The following CNTLN variants were observed in gnomAD, a reference collection of about 807,000 sequenced individuals.
CNTLN encodes the protein centlein, centrosomal protein.
In CNTLN, 212 loss-of-function variants were observed where a neutral mutation model predicts 180.0. That is an observed-to-expected ratio of 1.18 (90% CI 1.05 to 1.32). The LOEUF (loss-of-function observed/expected upper bound fraction) is 1.32, where lower values mean the gene tolerates loss of function less well. Ranked by LOEUF, CNTLN falls within the 40% of genes most tolerant of loss-of-function variation. The pLI, the probability that CNTLN is intolerant of heterozygous loss-of-function variation, is 0.00. For missense variants in CNTLN, 2,095 were observed against 1,610.9 expected (o/e 1.30, Z -5.14); for synonymous variants, 722 against 563.1 (o/e 1.28, Z -3.99).
chr9:17,145,799 T>C (rs1818416186), intron 2 of CNTLN, among the ~76,000 whole-genome samples: 1 of 152,242 alleles, frequency 6.6e-6, no homozygotes, highest in South Asian at 2.1e-4. Context: ...TTCTTTTTTG[T>C]CGGATTATTT....
intron 2 of CNTLN, among the ~76,000 whole-genome samples, chr9:17,214,958 T>C (rs189864293): frequency 3.3e-5 from 5 of 152,320 alleles, no homozygotes; most frequent in African/African-American, 1.2e-4. Context: ...ATTTGTCTAA[T>C]CTTTTTTGAA....
At chr9:17,168,864 G>A (rs948621726) in intron 2 of CNTLN, among the ~76,000 whole-genome samples, 2 of 152,120 alleles carry the variant, frequency 1.3e-5, no homozygotes, top group Admixed American at 1.3e-4. Flanking sequence ...GAAGTTTTGT[G>A]TTGGATCTAG....
At chr9:17,174,975 A>T (rs1820634627) in intron 2 of CNTLN, among the ~76,000 whole-genome samples, 1 of 152,094 alleles carries the variant, frequency 6.6e-6, no homozygotes, top group Admixed American at 6.5e-5. Context: ...TCTTTTGCCC[A>T]TTTCCTATTT....
intron 13 of CNTLN, among the ~76,000 whole-genome samples, chr9:17,385,419 C>A (rs1347738484): frequency 2.0e-5 from 3 of 152,266 alleles, no homozygotes; most frequent in Non-Finnish European, 4.4e-5. Context: ...TGCAGCCAGT[C>A]CTCATCTTGA....
At chr9:17,488,389 A>G (rs1205707652) in intron 25 of CNTLN, among the ~76,000 whole-genome samples, 2 of 152,180 alleles carry the variant, frequency 1.3e-5, no homozygotes, top group Non-Finnish European at 2.9e-5. Context: ...TGGCTGACAC[A>G]TCAAAGAATT....
intron 12 of CNTLN, among the ~76,000 whole-genome samples, chr9:17,346,835 G>T (rs1821939124): frequency 6.6e-6 from 1 of 152,086 alleles, no homozygotes; most frequent in African/African-American, 2.4e-5. Context: ...TCCTTTGACA[G>T]TTCTAATCAC....
Position 17,247,103 on chromosome 9 carries a change from G to A in CNTLN, c.849+10515G>A, listed in dbSNP as rs572948790. Among the ~76,000 whole-genome samples the A allele has an allele frequency of 3.9e-5, 6 of 152,178 alleles. No homozygotes were observed. In the East Asian group the frequency reaches 1.2e-3, roughly 29 times the overall value. Reference sequence around the variant, plus strand: ...CTGCACTGCCTTTGCTTAGATGATGGGTGATACAAGTATTCCCTGTGCTGC... The same window carrying A: ...CTGCACTGCCTTTGCTTAGATGATGAGTGATACAAGTATTCCCTGTGCTGC... On this transcript the variant is annotated intron_variant, in intron 5 of 25. Coordinates refer to ENST00000380647, the MANE Select transcript of CNTLN (RefSeq NM_017738.4).
chr9:17,321,089 C>G (rs1819876591), intron 8 of CNTLN, among the ~76,000 whole-genome samples: 1 of 152,022 alleles, frequency 6.6e-6, no homozygotes, highest in Non-Finnish European at 1.5e-5. Flanking sequence ...TTCACTTTCA[C>G]TTTTATGTAG....
chr9:17,363,552 T>A (rs1823575878), intron 12 of CNTLN, among the ~76,000 whole-genome samples: 2 of 151,610 alleles, frequency 1.3e-5, no homozygotes, highest in Admixed American at 6.5e-5. Context: ...TATATTTATT[T>A]TTTATTCTTT....
At chr9:17,500,138 T>G (rs2593349) in intron 25 of CNTLN, among the ~76,000 whole-genome samples, 141,330 of 152,204 alleles carry the variant, frequency 0.93, 66,163 homozygotes, top group South Asian at 0.99. Flanking sequence ...AAATGTGTTA[T>G]CCTCTATAAA....
At chr9:17,219,828 T>C (rs1824012787) in intron 2 of CNTLN, among the ~76,000 whole-genome samples, 1 of 152,122 alleles carries the variant, frequency 6.6e-6, no homozygotes, top group Non-Finnish European at 1.5e-5. Context: ...CAATGTGGTT[T>C]CTGGTGAGGG....
At chr9:17,325,374 ATGTATGTGTGTGTGTGTG>A (rs1220055977) in intron 8 of CNTLN, among the ~76,000 whole-genome samples, 24 of 110,614 alleles carry the variant, frequency 2.2e-4, no homozygotes, top group South Asian at 1.1e-3. Flanking sequence ...GTGCATGTGT[ATGTATGTGTGTGTGTGTG>A]TGTGTGTGTG....
chr9:17,283,319 G>T (rs533093720), intron 6 of CNTLN, among the ~76,000 whole-genome samples: 1 of 152,048 alleles, frequency 6.6e-6, no homozygotes, highest in African/African-American at 2.4e-5. Context: ...CACTTCTCTT[G>T]TTAGCTGTAT....
At chr9:17,273,649 T>C in intron 5 of CNTLN, 84 bp from the exon 6 acceptor site, 1 of 696,854 alleles carries the variant, frequency 1.4e-6, no homozygotes, top group East Asian at 3.1e-5. Context: ...TCTGTCATTT[T>C]GTAGAATAAT....
At chr9:17,169,927 A>G (rs1296987514) in intron 2 of CNTLN, among the ~76,000 whole-genome samples, 1 of 152,118 alleles carries the variant, frequency 6.6e-6, no homozygotes, top group Non-Finnish European at 1.5e-5. Context: ...TTTCACTTGT[A>G]TGAAAAATGC....
At chr9:17,520,785 T>C in the CNTLN span, among the ~76,000 whole-genome samples, 1 of 152,346 alleles carries the variant, frequency 6.6e-6, no homozygotes, top group East Asian at 1.9e-4. Flanking sequence ...TCATCACATT[T>C]GAGATGTGTG....
chr9:17,229,774 A>T (rs1186714729), intron 3 of CNTLN, among the ~76,000 whole-genome samples: 1 of 152,138 alleles, frequency 6.6e-6, no homozygotes, highest in Non-Finnish European at 1.5e-5. Context: ...ACTGACATAT[A>T]AAATTAACCA....
intron 18 of CNTLN, among the ~76,000 whole-genome samples, chr9:17,418,317 T>C (rs2133901785): frequency 6.6e-6 from 1 of 152,122 alleles, no homozygotes; most frequent in Non-Finnish European, 1.5e-5. Flanking sequence ...GAGAAATAAC[T>C]GATGTGGTAA....
intron 12 of CNTLN, among the ~76,000 whole-genome samples, chr9:17,344,511 C>T (rs1368855933): frequency 2.0e-5 from 3 of 152,022 alleles, no homozygotes; most frequent in African/African-American, 7.2e-5. Flanking sequence ...CCTGTTTGAG[C>T]GCTGTGTGAT....
Sources: gnomAD v4.1 joint callset for allele counts (sites outside exome capture counted in the v4.1 genomes callset) on GRCh38, gnomAD v4.1.1 for gene constraint, MANE v1.5 for transcripts, NCBI Gene and HGNC (gene_info 2026-07-23, HGNC 2026-07-21) for gene names.